The following FER variants were observed in gnomAD, a reference collection of about 807,000 sequenced individuals.
FER encodes tyrosine-protein kinase Fer.
FER carries 63 observed loss-of-function variants against 111.0 expected under a neutral mutation model. The ratio of observed to expected loss-of-function variants is 0.57; its 90% confidence interval spans 0.46 to 0.70. The LOEUF (loss-of-function observed/expected upper bound fraction) is 0.70. Ranked by LOEUF, FER falls within the 30% of genes least tolerant of loss-of-function variation. FER has a pLI of 0.00. For missense variants in FER, 914 were observed against 954.0 expected, an observed-to-expected ratio of 0.96 and a Z score of 0.55; for synonymous variants, 327 against 313.9, an observed-to-expected ratio of 1.04 and a Z score of -0.44.
At chr5:108,879,020 A>G (rs1411475301) in intron 8 of FER, among the ~76,000 whole-genome samples, 1 of 152,032 alleles carries the variant, frequency 6.6e-6, no homozygotes, top group East Asian at 1.9e-4. Context: ...TCATATGTAA[A>G]TGGGGATTAT....
intron 16 of FER, among the ~76,000 whole-genome samples, chr5:109,096,439 G>T (rs1747521089): frequency 6.6e-6 from 1 of 151,932 alleles, no homozygotes; most frequent in Admixed American, 6.6e-5. Flanking sequence ...ACTACAGGCA[G>T]TATGTAATTT....
chr5:108,874,374 A>G (rs951108595), intron 8 of FER, among the ~76,000 whole-genome samples: 2 of 152,150 alleles, frequency 1.3e-5, no homozygotes, highest in Non-Finnish European at 2.9e-5. Context: ...AAGGTAATAA[A>G]TCTTTGATAA....
chr5:109,190,311 G>A lies in FER; in HGVS notation c.*2736G>A, dbSNP rs1050322641. ...TTGTAACCAAAATTTCTTCTGGTCC[G>A]GATGTAATTAGTCCAGTCACAAATC... On this transcript the variant is annotated 3_prime_UTR_variant, in exon 20 of 20. Coordinates refer to ENST00000281092, the MANE Select transcript of FER (RefSeq NM_005246.4). 2 of 152,002 alleles carry A rather than the reference G, an allele frequency of 1.3e-5. No individual in the cohort carries two copies. The highest frequency in any genetic ancestry group is 2.9e-5 in the Non-Finnish European group (2 of 67,980). 9.4% of individuals were successfully genotyped at this position (152,002 alleles called of 1,614,324 possible).
intron 10 of FER, among the ~76,000 whole-genome samples, chr5:108,909,877 C>T (rs1242092009): frequency 6.6e-6 from 1 of 151,118 alleles, no homozygotes; most frequent in African/African-American, 2.4e-5. Context: ...TGATTTTAAA[C>T]TTATGCTACA....
intron 3 of FER, among the ~76,000 whole-genome samples, chr5:108,804,688 T>C (rs1473694953): frequency 1.3e-5 from 2 of 152,210 alleles, no homozygotes; most frequent in African/African-American, 4.8e-5. Flanking sequence ...TGAAGCCTAT[T>C]GGATCATGAT....
At chr5:108,774,804 A>C (rs1753311182) in intron 2 of FER, among the ~76,000 whole-genome samples, 1 of 151,712 alleles carries the variant, frequency 6.6e-6, no homozygotes, top group Non-Finnish European at 1.5e-5. Context: ...CTTTTGTCAC[A>C]TGGGTAGATT....
intron 16 of FER, among the ~76,000 whole-genome samples, chr5:109,064,720 C>T (rs1210229555): frequency 1.3e-5 from 2 of 152,266 alleles, no homozygotes; most frequent in Admixed American, 1.3e-4. Flanking sequence ...CAGGACAAAG[C>T]ATGTTCTGAA....
At chr5:109,009,959 T>C (rs1454354562) in intron 13 of FER, among the ~76,000 whole-genome samples, 1 of 152,192 alleles carries the variant, frequency 6.6e-6, no homozygotes, top group African/African-American at 2.4e-5. Flanking sequence ...TTCCACAGTG[T>C]CACTTCTGCC....
intron 2 of FER, chr5:108,785,252 A>G (rs1754563727): frequency 5.2e-6 from 3 of 572,088 alleles, no homozygotes; most frequent in East Asian, 3.9e-5. Context: ...TGGCCAGGCC[A>G]TGCTGTGGGA....
chr5:108,845,490 G>T (rs1459379608), intron 5 of FER, among the ~76,000 whole-genome samples: 1 of 151,838 alleles, frequency 6.6e-6, no homozygotes, highest in South Asian at 2.1e-4. Flanking sequence ...CCTCTAGTTG[G>T]TTTTTTAAAA....
intron 10 of FER, among the ~76,000 whole-genome samples, chr5:108,904,545 C>T (rs1343866811): frequency 1.3e-5 from 2 of 152,166 alleles, no homozygotes; most frequent in Non-Finnish European, 2.9e-5. Flanking sequence ...TAAAGTCATA[C>T]AGACCCACGT....
chr5:108,877,945 G>A (rs941887539), intron 8 of FER, among the ~76,000 whole-genome samples: 4 of 151,686 alleles, frequency 2.6e-5, no homozygotes, highest in African/African-American at 7.3e-5. Flanking sequence ...TTGCTCTGTT[G>A]CCCAGGCTGG....
chr5:108,874,408 A>G (rs1764888035), intron 8 of FER, among the ~76,000 whole-genome samples: 1 of 152,172 alleles, frequency 6.6e-6, no homozygotes, highest in South Asian at 2.1e-4. Context: ...TTAATTGCTC[A>G]CATTTTACTG....
At chr5:109,138,099 C>G (rs1463209471) in intron 17 of FER, among the ~76,000 whole-genome samples, 3 of 151,946 alleles carry the variant, frequency 2.0e-5, no homozygotes, top group South Asian at 2.1e-4. Context: ...GGAGAGAATG[C>G]CATATGTAGG....
chr5:109,046,988 A>G (rs1561822056), intron 15 of FER, 116 bp from the exon 16 acceptor site: 1 of 549,898 alleles, frequency 1.8e-6, no homozygotes, highest in African/African-American at 2.0e-5. Context: ...TCATACTGAA[A>G]TTTTAAAAAT....
In FER at chr5:108,976,871, T is replaced by TTA. The variant is rs758800499; in HGVS notation, c.1656+17526_1656+17527dup. 4.6e-5 allele frequency among the ~76,000 whole-genome samples: 7 copies of TTA among 152,200 alleles called. No individual in the cohort carries two copies. In the East Asian group the frequency reaches 5.8e-4, roughly 13 times the overall value. ...ATGGTGCATATCAAGCAATTCAACT[T>TTA]TATCTTGTAATATTATGACTTTTCT... On this transcript the variant is annotated intron_variant, in intron 13 of 19. Transcript: ENST00000281092.
At chr5:108,845,021 T>C (rs1165392983) in intron 5 of FER, among the ~76,000 whole-genome samples, 28 of 52,724 alleles carry the variant, frequency 5.3e-4, no homozygotes, top group South Asian at 1.4e-3. Context: ...TATATATATA[T>C]ATATATATAT....
chr5:109,121,788 G>A (rs1397477105), intron 17 of FER, among the ~76,000 whole-genome samples: 1 of 151,992 alleles, frequency 6.6e-6, no homozygotes, highest in African/African-American at 2.4e-5. Flanking sequence ...TTATTGGTCT[G>A]TTCAGAATTT....
chr5:109,041,157 A>C (rs557445901), intron 14 of FER, among the ~76,000 whole-genome samples: 22 of 152,300 alleles, frequency 1.4e-4, no homozygotes, highest in African/African-American at 5.1e-4. Context: ...CATGAATTTA[A>C]AGTTAAATCA....
Sources: allele counts gnomAD v4.1 joint callset (sites outside exome capture counted in the v4.1 genomes callset), GRCh38; gene constraint gnomAD v4.1.1; transcripts MANE v1.5; gene names NCBI Gene and HGNC (gene_info 2026-07-23, HGNC 2026-07-21).